TMPRSS9: variants seen among roughly 807,000 people sequenced by gnomAD.
TMPRSS9 encodes transmembrane serine protease 9.
TMPRSS9 carries 113 observed loss-of-function variants against 111.4 expected under a neutral mutation model. That is an observed-to-expected ratio of 1.01 (90% CI 0.87 to 1.19). TMPRSS9 has a LOEUF of 1.19. TMPRSS9 is among the 50% of genes most tolerant of loss of function. TMPRSS9 has a pLI of 0.00. For missense variants in TMPRSS9, 1,803 were observed against 1,513.1 expected (o/e 1.19, Z -3.18); for synonymous variants, 805 against 659.1 (o/e 1.22, Z -3.39).
intron 1 of TMPRSS9, among the ~76,000 whole-genome samples, chr19:2,375,837 C>G (rs187444762): frequency 2.6e-5 from 4 of 152,252 alleles, no homozygotes; most frequent in Admixed American, 2.6e-4. Flanking sequence ...CAAAGCAGAT[C>G]AACGACCTGG....
chr19:2,421,866 G>A (rs998193640), exon 14 of TMPRSS9: 1 of 1,602,962 alleles, frequency 6.2e-7, no homozygotes. Flanking sequence ...TGACTCTGGG[G>A]GCCCCCTGGC....
intron 1 of TMPRSS9, among the ~76,000 whole-genome samples, chr19:2,379,166 C>T (rs1395956485): frequency 2.0e-5 from 3 of 149,922 alleles, no homozygotes; most frequent in Non-Finnish European, 4.4e-5. Context: ...TAAGACAAAG[C>T]CTGAGCTTCT....
intron 10 of TMPRSS9, among the ~76,000 whole-genome samples, chr19:2,414,904 T>C (rs1971190110): frequency 6.6e-6 from 1 of 150,580 alleles, no homozygotes; most frequent in Non-Finnish European, 1.5e-5. Flanking sequence ...CTTGTAGGAC[T>C]ATATCTCTGT....
chr19:2,397,732 C>A (rs938625100), intron 2 of TMPRSS9, among the ~76,000 whole-genome samples: 1 of 151,418 alleles, frequency 6.6e-6, no homozygotes, highest in East Asian at 2.0e-4. Context: ...CCAGCCTGAG[C>A]AACATGACAA....
At chr19:2,363,809 C>CGCGT (rs1970225468) in intron 1 of TMPRSS9, among the ~76,000 whole-genome samples, 1 of 112,698 alleles carries the variant, frequency 8.9e-6, no homozygotes, top group Non-Finnish European at 1.8e-5. Context: ...TGTGTGCGTG[C>CGCGT]GCGCGTGTGT....
chr19:2,403,316 G>C lies in TMPRSS9; in HGVS notation c.670+121G>C, dbSNP rs1568180976. 1.5e-5 allele frequency: 12 copies of C among 810,248 alleles called. No individual in the cohort carries two copies. The East Asian group carries it at 2.2e-4, about 15-fold the overall frequency. 50.2% of individuals were successfully genotyped at this position (810,248 alleles called of 1,614,324 possible). On this transcript the variant is annotated intron_variant, in intron 6 of 17. Coordinates refer to ENST00000648592, the Ensembl canonical transcript of TMPRSS9. ...GCACACAGGCCTGGCATTTATGGGG[G>C]CTGGGCAGAGAAAAGAAAGGGGCAC...
chr19:2,414,053 C>A, intron 10 of TMPRSS9, 35 bp downstream of exon 11: 1 of 1,495,864 alleles, frequency 6.7e-7, no homozygotes, highest in East Asian at 2.4e-5. Context: ...AGATGATGTA[C>A]GTGCCTATCT....
intron 1 of TMPRSS9, among the ~76,000 whole-genome samples, chr19:2,381,558 C>T (rs1261316553): frequency 6.6e-6 from 1 of 151,942 alleles, no homozygotes; most frequent in African/African-American, 2.4e-5. Flanking sequence ...CTTCACTCCC[C>T]GCTGCCCCTG....
intron 1 of TMPRSS9, among the ~76,000 whole-genome samples, chr19:2,394,038 TA>T (rs1970656481): frequency 6.6e-6 from 1 of 151,682 alleles, no homozygotes; most frequent in Non-Finnish European, 1.5e-5. Context: ...CCGTCTCTAC[TA>T]AAATACAAAA....
intron 1 of TMPRSS9, among the ~76,000 whole-genome samples, chr19:2,376,461 C>CT (rs113897533): frequency 0.1 from 15,642 of 149,716 alleles, 1,544 homozygotes; most frequent in African/African-American, 0.27. Flanking sequence ...GATGTCATTT[C>CT]TTTTTTTTTT....
At chr19:2,425,033 C>T (rs1027696771) in exon 16 of TMPRSS9, 3 of 1,549,904 alleles carry the variant, frequency 1.9e-6, no homozygotes, top group Non-Finnish European at 2.6e-6. Context: ...GGCGGCCTTC[C>T]TAGGCACGCC....
At chr19:2,419,288 C>G (rs372265734) in intron 13 of TMPRSS9, among the ~76,000 whole-genome samples, 2 of 150,244 alleles carry the variant, frequency 1.3e-5, no homozygotes, top group South Asian at 4.2e-4. Context: ...ACTGCAACCT[C>G]CGCCTCCCAG....
At chr19:2,373,682 T>C (rs999935975) in intron 1 of TMPRSS9, among the ~76,000 whole-genome samples, 1 of 152,132 alleles carries the variant, frequency 6.6e-6, no homozygotes, top group Non-Finnish European at 1.5e-5. Flanking sequence ...GTATTTTTAG[T>C]AGAGACGGGG....
chr19:2,421,739 C>T, intron 13 of TMPRSS9, 115 bp from the exon 15 acceptor site: 1 of 1,221,230 alleles, frequency 8.2e-7, no homozygotes, highest in Non-Finnish European at 1.1e-6. Context: ...GCGCTGTGCC[C>T]TCTGCCCCCC....
In TMPRSS9 at chr19:2,373,436, G is replaced by T. The variant is rs561545703; in HGVS notation, c.-26+13076G>T. ...GTAGAGATAGGGTTTTGTGATGTTG[G>T]CCAGGCTGGTCTCAAACGCCTGGCC... On this transcript the variant is annotated intron_variant, in intron 1 of 17. Transcript: ENST00000649857. Among the ~76,000 whole-genome samples, 9 of 151,326 alleles carry T rather than the reference G, an allele frequency of 5.9e-5. No homozygotes were observed. The South Asian group carries it at 1.9e-3, about 32-fold the overall frequency.
chr19:2,407,456 G>C (rs1188162917), intron 7 of TMPRSS9, among the ~76,000 whole-genome samples: 3 of 151,718 alleles, frequency 2.0e-5, no homozygotes, highest in Non-Finnish European at 4.4e-5. Context: ...GAACCCGGGA[G>C]GTGGAAGTTG....
intron 17 of TMPRSS9, 184 bp from the exon 19 acceptor site, chr19:2,425,743 C>T: frequency 1.7e-6 from 2 of 1,154,232 alleles, no homozygotes; most frequent in Non-Finnish European, 1.2e-6. Context: ...CACCGTTCCA[C>T]TCCGGGACCA....
chr19:2,418,126 C>A, exon 13 of TMPRSS9: 1 of 1,611,886 alleles, frequency 6.2e-7, no homozygotes, highest in South Asian at 1.1e-5. Flanking sequence ...AAGGCAAAGT[C>A]GACTCCTGCC....
chr19:2,406,874 T>C (rs1422767599), intron 7 of TMPRSS9, among the ~76,000 whole-genome samples: 2 of 150,164 alleles, frequency 1.3e-5, no homozygotes, highest in Non-Finnish European at 3.0e-5. Flanking sequence ...GTTTTGGCTC[T>C]CTGTAAGCTC....
Sources: allele counts gnomAD v4.1 joint callset (sites outside exome capture counted in the v4.1 genomes callset), GRCh38; gene constraint gnomAD v4.1.1; transcripts MANE v1.5; gene names NCBI Gene and HGNC (gene_info 2026-07-23, HGNC 2026-07-21).